Variants in PDE4D observed in about 807,000 individuals in gnomAD.
PDE4D encodes 3',5'-cyclic-AMP phosphodiesterase 4D.
PDE4D carries 24 observed loss-of-function variants against 87.4 expected under a neutral mutation model. The observed-to-expected ratio is 0.27, with a 90% CI of 0.20 to 0.39. PDE4D has a LOEUF of 0.39. Among genes scored for constraint, PDE4D ranks in the 10% least tolerant of loss-of-function variants. The probability of loss-of-function intolerance (pLI) is 1.00; values close to 1 mark genes in which losing one functional copy is unlikely to be tolerated. For missense variants in PDE4D, 714 were observed against 1,041.0 expected, an observed-to-expected ratio of 0.69 and a Z score of 4.32; for synonymous variants, 384 against 383.2, an observed-to-expected ratio of 1.00 and a Z score of -0.02.
intron 2 of PDE4D, among the ~76,000 whole-genome samples, chr5:60,072,715 T>A (rs574901975): frequency 7.6e-4 from 115 of 152,286 alleles, no homozygotes; most frequent in African/African-American, 2.7e-3. Flanking sequence ...AGTTTCAATC[T>A]CCTGCATATC....
At chr5:59,932,193 AT>A (rs1450568033) in intron 3 of PDE4D, among the ~76,000 whole-genome samples, 1 of 152,238 alleles carries the variant, frequency 6.6e-6, no homozygotes, top group Non-Finnish European at 1.5e-5. Flanking sequence ...TAAATAGAAA[AT>A]AGGATTTTTA....
chr5:59,394,661 C>T (rs1263738136), intron 1 of PDE4D, among the ~76,000 whole-genome samples: 1 of 152,072 alleles, frequency 6.6e-6, no homozygotes, highest in African/African-American at 2.4e-5. Context: ...TATTCTTCAC[C>T]ATATACAAGG....
chr5:59,446,978 A>G (rs1798444168), intron 1 of PDE4D, among the ~76,000 whole-genome samples: 1 of 152,210 alleles, frequency 6.6e-6, no homozygotes. Flanking sequence ...CCTTTAGTGC[A>G]CATTCCTTTG....
At chr5:59,295,735 A>G (rs1223895326) in intron 1 of PDE4D, among the ~76,000 whole-genome samples, 1 of 152,060 alleles carries the variant, frequency 6.6e-6, no homozygotes, top group Non-Finnish European at 1.5e-5. Flanking sequence ...ATCTGTTAAA[A>G]TGGCGGCTCT....
At chr5:60,104,022 G>A (rs893192007) in intron 2 of PDE4D, among the ~76,000 whole-genome samples, 3 of 152,128 alleles carry the variant, frequency 2.0e-5, no homozygotes, top group Non-Finnish European at 2.9e-5. Context: ...GACAGTGGGT[G>A]CAGCACACTG....
chr5:59,752,070 T>C (rs932392184), intron 1 of PDE4D, among the ~76,000 whole-genome samples: 2 of 152,206 alleles, frequency 1.3e-5, no homozygotes, highest in African/African-American at 4.8e-5. Context: ...TCTTTATGCT[T>C]AGTTATGGCA....
At chr5:60,162,099 G>A (rs1167069667) in intron 2 of PDE4D, among the ~76,000 whole-genome samples, 1 of 152,116 alleles carries the variant, frequency 6.6e-6, no homozygotes, top group Admixed American at 6.6e-5. Context: ...AGGGAAAACA[G>A]TGGGGGTGGG....
chr5:60,278,836 GT>G (rs1436746645), intron 1 of PDE4D, among the ~76,000 whole-genome samples: 1 of 151,968 alleles, frequency 6.6e-6, no homozygotes, highest in African/African-American at 2.4e-5. Flanking sequence ...TCATTGAAGC[GT>G]TTTTATCATG....
intron 1 of PDE4D, among the ~76,000 whole-genome samples, chr5:60,438,484 G>A (rs531188755): frequency 6.6e-6 from 1 of 152,042 alleles, no homozygotes; most frequent in Non-Finnish European, 1.5e-5. Context: ...GTAGAATATT[G>A]TGTGTATTTT....
At chr5:60,289,849 A>G (rs1752733872) in intron 1 of PDE4D, among the ~76,000 whole-genome samples, 1 of 152,236 alleles carries the variant, frequency 6.6e-6, no homozygotes, top group South Asian at 2.1e-4. Context: ...TAGTGTTTCT[A>G]GTCTGGTCAA....
intron 1 of PDE4D, among the ~76,000 whole-genome samples, chr5:59,787,601 A>G (rs1273719875): frequency 6.6e-6 from 1 of 152,220 alleles, no homozygotes; most frequent in Non-Finnish European, 1.5e-5. Context: ...GGACAGATAA[A>G]TGGATGGAAT....
intron 6 of PDE4D, among the ~76,000 whole-genome samples, chr5:59,035,807 A>G (rs1758409933): frequency 6.6e-6 from 1 of 152,192 alleles, no homozygotes; most frequent in Non-Finnish European, 1.5e-5. Context: ...AATTGTAGCA[A>G]TGAGGTTCCA....
chr5:59,736,050 A>G (rs545503349), intron 1 of PDE4D, among the ~76,000 whole-genome samples: 2 of 152,104 alleles, frequency 1.3e-5, no homozygotes, highest in South Asian at 4.1e-4. Context: ...TAAAGAGTCA[A>G]ATTTATGTGA....
At chr5:58,989,320 A>C (rs1747307336) in intron 10 of PDE4D, among the ~76,000 whole-genome samples, 1 of 152,206 alleles carries the variant, frequency 6.6e-6, no homozygotes, top group African/African-American at 2.4e-5. Flanking sequence ...GTAAACAACT[A>C]ATGAAATAAC....
At position 60,239,396 on chromosome 5, in the gene PDE4D, T is replaced by C. The variant is rs113747311; in HGVS notation, c.-89-53709A>G. On this transcript the variant is annotated intron_variant, in intron 1 of 16. Transcript: ENST00000502484. ...CTTCCCGACTTCTTCAAAATTGTGT[T>C]GGTTATGACTGACGCTTAGCTCTTT... Among the ~76,000 whole-genome samples, 585 of 152,260 alleles carry C rather than the reference T, an allele frequency of 3.8e-3. 4 individuals are homozygous for C. Among genetic ancestry groups the C allele is most frequent in the African/African-American group, 0.013 (524 of 41,576 alleles).
chr5:59,619,479 T>G (rs541870422), intron 1 of PDE4D, among the ~76,000 whole-genome samples: 4 of 152,214 alleles, frequency 2.6e-5, no homozygotes, highest in Non-Finnish European at 5.9e-5. Context: ...CCCCAATCCC[T>G]AGTAATTCTG....
chr5:60,454,974 G>A (rs1019484115), intron 1 of PDE4D, among the ~76,000 whole-genome samples: 1 of 151,968 alleles, frequency 6.6e-6, no homozygotes, highest in African/African-American at 2.4e-5. Context: ...AAAACCCAGA[G>A]ACAAGGCAGG....
intron 1 of PDE4D, among the ~76,000 whole-genome samples, chr5:59,387,221 A>G (rs1449160521): frequency 6.6e-6 from 1 of 152,168 alleles, no homozygotes; most frequent in Non-Finnish European, 1.5e-5. Context: ...TTGCCTATGT[A>G]TCTCCTTCCT....
At chr5:60,162,301 A>G (rs561769512) in intron 2 of PDE4D, among the ~76,000 whole-genome samples, 9 of 152,252 alleles carry the variant, frequency 5.9e-5, no homozygotes, top group African/African-American at 2.2e-4. Flanking sequence ...TCCATAACTG[A>G]AATTAACCAT....
Sources: allele counts gnomAD v4.1 joint callset (sites outside exome capture counted in the v4.1 genomes callset), GRCh38; gene constraint gnomAD v4.1.1; transcripts MANE v1.5; gene names NCBI Gene and HGNC (gene_info 2026-07-23, HGNC 2026-07-21).